Variants in KCNN2 observed in about 807,000 individuals in gnomAD.
KCNN2 encodes small conductance calcium-activated potassium channel protein 2.
KCNN2 carries 24 observed loss-of-function variants against 55.5 expected under a neutral mutation model. That is an observed-to-expected ratio of 0.43 (90% confidence interval 0.31 to 0.61). The LOEUF is 0.61. KCNN2 is among the 20% of genes least tolerant of loss of function. The pLI is 0.08. For missense variants in KCNN2, 754 were observed against 853.6 expected, an observed-to-expected ratio of 0.88 and a Z score of 1.45; for synonymous variants, 431 against 336.1, an observed-to-expected ratio of 1.28 and a Z score of -3.09.
intron 2 of KCNN2, among the ~76,000 whole-genome samples, chr5:114,297,947 T>C (rs758415218): frequency 1.3e-5 from 2 of 152,188 alleles, no homozygotes; most frequent in Non-Finnish European, 2.9e-5. Flanking sequence ...GGAAATGATA[T>C]TCCATTCCCT....
intron 1 of KCNN2, among the ~76,000 whole-genome samples, chr5:114,121,208 C>T (rs934125936): frequency 1.3e-5 from 2 of 152,210 alleles, no homozygotes; most frequent in African/African-American, 4.8e-5. Flanking sequence ...GTGGAATTTG[C>T]ACCTATGGTA....
At chr5:114,256,484 A>G (rs1432952245) in intron 2 of KCNN2, among the ~76,000 whole-genome samples, 1 of 152,152 alleles carries the variant, frequency 6.6e-6, no homozygotes, top group East Asian at 1.9e-4. Context: ...GTACTAATTT[A>G]CATTTCCATC....
chr5:114,123,407 G>C (rs1751864531), intron 1 of KCNN2, among the ~76,000 whole-genome samples: 1 of 56,546 alleles, frequency 1.8e-5, no homozygotes, highest in Non-Finnish European at 3.4e-5. Flanking sequence ...CTGTTGCCCA[G>C]GCTGGAGTGC....
chr5:114,261,764 T>C (rs181429978), intron 2 of KCNN2, among the ~76,000 whole-genome samples: 24 of 152,300 alleles, frequency 1.6e-4, no homozygotes, highest in Admixed American at 1.0e-3. Context: ...CTTGGGTTAG[T>C]TCGCAGAAAG....
intron 5 of KCNN2, among the ~76,000 whole-genome samples, chr5:114,484,048 C>T (rs1316234197): frequency 6.6e-6 from 1 of 152,008 alleles, no homozygotes; most frequent in African/African-American, 2.4e-5. Context: ...CAAGAGGGTC[C>T]TTTGGTTGAT....
chr5:114,265,284 T>G (rs1023587001), intron 2 of KCNN2, among the ~76,000 whole-genome samples: 2 of 152,148 alleles, frequency 1.3e-5, no homozygotes, highest in Admixed American at 6.6e-5. Flanking sequence ...TTATACATGT[T>G]GTATTAGGGT....
At chr5:114,115,382 GACA>G (rs1191911124) in intron 1 of KCNN2, among the ~76,000 whole-genome samples, 1 of 152,074 alleles carries the variant, frequency 6.6e-6, no homozygotes, top group African/African-American at 2.4e-5. Context: ...AAGTTTTAAA[GACA>G]ACAAATTAAC....
chr5:114,145,961 A>G (rs1752390573), intron 1 of KCNN2, among the ~76,000 whole-genome samples: 2 of 151,498 alleles, frequency 1.3e-5, no homozygotes, highest in Non-Finnish European at 2.9e-5. Context: ...CTGCTGTGGC[A>G]TTTTTTCAGC....
chr5:114,484,089 A>G (rs959255681), intron 5 of KCNN2, among the ~76,000 whole-genome samples: 1 of 152,126 alleles, frequency 6.6e-6, no homozygotes, highest in South Asian at 2.1e-4. Flanking sequence ...CATGAGAAGA[A>G]GTTTTTATGT....
intron 2 of KCNN2, among the ~76,000 whole-genome samples, chr5:114,365,854 T>G (rs1580753346): frequency 6.6e-6 from 1 of 150,996 alleles, no homozygotes; most frequent in East Asian, 2.0e-4. Flanking sequence ...TCTTGCTGGG[T>G]TTTATTAAAT....
intron 1 of KCNN2, among the ~76,000 whole-genome samples, chr5:114,135,030 A>G (rs1752146123): frequency 6.6e-6 from 1 of 152,208 alleles, no homozygotes; most frequent in Non-Finnish European, 1.5e-5. Flanking sequence ...ATGTAGAAAG[A>G]TTTTTAAAAG....
intron 2 of KCNN2, among the ~76,000 whole-genome samples, chr5:114,296,901 A>G (rs1756021739): frequency 6.6e-6 from 1 of 152,250 alleles, no homozygotes; most frequent in African/African-American, 2.4e-5. Context: ...GAAAGAAACA[A>G]AGCAAACATT....
intron 1 of KCNN2, among the ~76,000 whole-genome samples, chr5:114,211,727 A>T (rs1753889285): frequency 1.3e-5 from 2 of 152,072 alleles, no homozygotes; most frequent in Admixed American, 1.3e-4. Flanking sequence ...TGTTACAGTA[A>T]TTGACACATT....
intron 1 of KCNN2, among the ~76,000 whole-genome samples, chr5:114,190,006 T>C (rs1753419161): frequency 6.6e-6 from 1 of 152,076 alleles, no homozygotes. Context: ...GAAGAATATC[T>C]TTATAACATC....
intron 2 of KCNN2, among the ~76,000 whole-genome samples, chr5:114,271,526 T>C (rs1299943707): frequency 2.0e-5 from 3 of 152,134 alleles, no homozygotes; most frequent in African/African-American, 7.2e-5. Context: ...TACAATACTA[T>C]CCTCAAGGTG....
chr5:114,116,259 C>T (rs1278633148), intron 1 of KCNN2, among the ~76,000 whole-genome samples: 1 of 151,986 alleles, frequency 6.6e-6, no homozygotes, highest in African/African-American at 2.4e-5. Context: ...GAATGAATGT[C>T]AGGAAAACAA....
chr5:114,496,219 C>A lies in KCNN2; in HGVS notation c.*37C>A. 6.3e-7 allele frequency: 1 copy of A among 1,598,270 alleles called. No individual in the cohort carries two copies. The highest frequency in any genetic ancestry group is 1.1e-5 in the South Asian group (1 of 90,418). ...TTAACCACAAAATAAGACTTTTTGC[C>A]ATCATATGGTCAATATTTTAGCTTT... On this transcript the variant is annotated 3_prime_UTR_variant, in exon 8 of 8. Coordinates refer to ENST00000673685, the MANE Select transcript of KCNN2 (RefSeq NM_021614.4).
chr5:114,141,743 A>G (rs1752286076), intron 1 of KCNN2, among the ~76,000 whole-genome samples: 1 of 152,154 alleles, frequency 6.6e-6, no homozygotes, highest in South Asian at 2.1e-4. Flanking sequence ...TTACACTCCC[A>G]CCAGCAGTGT....
chr5:114,294,180 G>GTCTC (rs981319700), intron 2 of KCNN2, among the ~76,000 whole-genome samples: 2 of 151,972 alleles, frequency 1.3e-5, no homozygotes, highest in Non-Finnish European at 2.9e-5. Context: ...GGTTTTTTGT[G>GTCTC]TCTCTATTTC....
Sources: allele counts gnomAD v4.1 joint callset (sites outside exome capture counted in the v4.1 genomes callset), GRCh38; gene constraint gnomAD v4.1.1; transcripts MANE v1.5; gene names NCBI Gene and HGNC (gene_info 2026-07-23, HGNC 2026-07-21).